The following ADAMTS19 variants were observed in gnomAD, a reference collection of about 807,000 sequenced individuals.
ADAMTS19 encodes ADAM metallopeptidase with thrombospondin type 1 motif 19, also known as A disintegrin and metalloproteinase with thrombospondin motifs 19.
In ADAMTS19, 93 loss-of-function variants were observed where a neutral mutation model predicts 153.3. The observed-to-expected ratio is 0.61, with a 90% CI of 0.51 to 0.72. ADAMTS19 has a LOEUF of 0.72. Ranked by LOEUF, ADAMTS19 falls within the 30% of genes least tolerant of loss-of-function variation. The probability of loss-of-function intolerance (pLI) is 0.00; values close to 1 mark genes in which losing one functional copy is unlikely to be tolerated. For synonymous variants in ADAMTS19, 600 were observed against 556.6 expected (o/e 1.08, Z -1.10); for missense variants, 1,482 against 1,552.1 (o/e 0.95, Z 0.76).
In ADAMTS19 at chr5:129,641,848, T is replaced by A. The variant is rs1051861643; in HGVS notation, c.1771-11T>A. 3 of 1,560,344 alleles carry A rather than the reference T, an allele frequency of 1.9e-6. No homozygotes were observed. In the African/African-American group the frequency reaches 4.1e-5, roughly 21 times the overall value. ...CCTTCCCCTTATTAGTTATTGTGCC[T>A]TTGTTTTCAGCATGTTATTTGCACA... is the stretch of plus-strand genomic sequence containing the variant. On this transcript the variant is annotated splice_polypyrimidine_tract_variant and intron_variant, in intron 10 of 22. Transcript: ENST00000274487.
At chr5:129,668,569 C>T (rs1303782754) in intron 16 of ADAMTS19, among the ~76,000 whole-genome samples, 1 of 152,084 alleles carries the variant, frequency 6.6e-6, no homozygotes, top group African/African-American at 2.4e-5. Flanking sequence ...AAGGGCAGCG[C>T]TCTTATGACC....
intron 8 of ADAMTS19, among the ~76,000 whole-genome samples, chr5:129,612,177 T>A (rs1355744958): frequency 7.2e-6 from 1 of 139,748 alleles, no homozygotes; most frequent in Non-Finnish European, 1.5e-5. Flanking sequence ...CCTGTGTCCA[T>A]GTGTTCTCAT....
At chr5:129,733,644 G>T (rs560636509) in intron 21 of ADAMTS19, among the ~76,000 whole-genome samples, 2 of 151,980 alleles carry the variant, frequency 1.3e-5, no homozygotes, top group South Asian at 4.1e-4. Flanking sequence ...CTATCAAAAA[G>T]ACAAAAAACA....
intron 3 of ADAMTS19, among the ~76,000 whole-genome samples, chr5:129,524,736 A>G (rs951715158): frequency 2.0e-5 from 3 of 151,826 alleles, no homozygotes; most frequent in African/African-American, 7.3e-5. Context: ...CACGTTCTGC[A>G]CATGTATCCC....
In ADAMTS19 at chr5:129,658,347, A is replaced by AAGAGAGAGAGAGAGAGAGAGAGAGAGAG. The variant is rs1294171239; in HGVS notation, c.2305-267_2305-266insGAGAGAGAGAGAGAGAGAGAGAGAGAGA. Among the ~76,000 whole-genome samples the AAGAGAGAGAGAGAGAGAGAGAGAGAGAG allele has an allele frequency of 2.1e-4, 24 of 116,062 alleles. No homozygotes were observed. In the East Asian group the frequency reaches 3.0e-3, roughly 14 times the overall value. 76.1% of individuals were successfully genotyped at this position (116,062 alleles called of 152,430 possible). ...AAAGAAAGAAAGAAAGAAAGAAAGA[A>AAGAGAGAGAGAGAGAGAGAGAGAGAGAG]AGAAAGAAAGAAAGAAAGAAAGAGA... On this transcript the variant is annotated intron_variant, in intron 14 of 22. Transcript: ENST00000274487.
At chr5:129,552,301 G>A (rs529859552) in intron 7 of ADAMTS19, among the ~76,000 whole-genome samples, 2 of 148,950 alleles carry the variant, frequency 1.3e-5, no homozygotes, top group East Asian at 3.9e-4. Context: ...TTCGCAGACT[G>A]TGTCGAAATA....
Position 129,501,255 on chromosome 5 carries a change from T to G in ADAMTS19, c.748-7822T>G, listed in dbSNP as rs1483200918. Among the ~76,000 whole-genome samples, 14 of 152,250 alleles carry G rather than the reference T, an allele frequency of 9.2e-5. No individual in the cohort carries two copies. In the East Asian group the frequency reaches 1.5e-3, roughly 17 times the overall value. On this transcript the variant is annotated intron_variant, in intron 2 of 22. Transcript: ENST00000274487. ...AAACCTTGAAATATTCTACCAAGTC[T>G]GCCATGGGAGAATTGTTGGGGCATC...
At chr5:129,648,226 G>A (rs1288631191) in intron 12 of ADAMTS19, among the ~76,000 whole-genome samples, 2 of 152,134 alleles carry the variant, frequency 1.3e-5, no homozygotes, top group Non-Finnish European at 2.9e-5. Context: ...TGATAAGAAA[G>A]AGAATGAGAA....
chr5:129,622,963 G>T (rs532282322), intron 10 of ADAMTS19, among the ~76,000 whole-genome samples: 5 of 152,024 alleles, frequency 3.3e-5, no homozygotes, highest in Admixed American at 2.0e-4. Context: ...AACTACAAAC[G>T]GGGAGGGCCA....
intron 8 of ADAMTS19, 143 bp downstream of exon 8, chr5:129,596,807 A>T (rs899332931): frequency 5.4e-6 from 3 of 553,680 alleles, no homozygotes; most frequent in Admixed American, 3.5e-5. Flanking sequence ...GTGAAGACTG[A>T]CTACATTTAA....
chr5:129,691,641 T>A (rs954458252), intron 18 of ADAMTS19, among the ~76,000 whole-genome samples: 20 of 152,196 alleles, frequency 1.3e-4, no homozygotes, highest in Admixed American at 1.3e-3. Flanking sequence ...TTTTGTTCAA[T>A]GAAATTTTTA....
chr5:129,670,074 C>G (rs566864193), intron 16 of ADAMTS19, among the ~76,000 whole-genome samples: 138 of 152,176 alleles, frequency 9.1e-4, no homozygotes, highest in Middle Eastern at 3.4e-3. Context: ...CTTTACTGCT[C>G]TAATGTGACG....
At chr5:129,467,784 GT>G (rs1161790431) in intron 2 of ADAMTS19, among the ~76,000 whole-genome samples, 1 of 152,184 alleles carries the variant, frequency 6.6e-6, no homozygotes, top group African/African-American at 2.4e-5. Flanking sequence ...CTCCAAAAAG[GT>G]ATGCAATGAA....
intron 2 of ADAMTS19, among the ~76,000 whole-genome samples, chr5:129,462,613 G>GT: frequency 6.8e-6 from 1 of 146,306 alleles, no homozygotes; most frequent in Admixed American, 6.7e-5. Context: ...GTGTGTGTGT[G>GT]TGTGGGGGGG....
intron 15 of ADAMTS19, among the ~76,000 whole-genome samples, chr5:129,662,199 T>C (rs1753843748): frequency 6.6e-6 from 1 of 152,246 alleles, no homozygotes; most frequent in South Asian, 2.1e-4. Flanking sequence ...GCCATGAAGA[T>C]GAAGATTGCT....
At chr5:129,471,486 A>AAAGCAG (rs1402553527) in intron 2 of ADAMTS19, among the ~76,000 whole-genome samples, 1 of 134,026 alleles carries the variant, frequency 7.5e-6, no homozygotes, top group East Asian at 2.2e-4. Context: ...AAGGAAGGAA[A>AAAGCAG]GCAGGCAGGC....
chr5:129,671,557 T>C (rs1232896995), intron 16 of ADAMTS19, among the ~76,000 whole-genome samples: 2 of 152,200 alleles, frequency 1.3e-5, no homozygotes, highest in African/African-American at 4.8e-5. Context: ...AAATAGAACC[T>C]TGGCAAACTG....
chr5:129,478,448 A>G (rs1019511388), intron 2 of ADAMTS19, among the ~76,000 whole-genome samples: 3 of 152,222 alleles, frequency 2.0e-5, no homozygotes, highest in African/African-American at 7.2e-5. Flanking sequence ...GGTGGATTTT[A>G]AATAGCAAGG....
intron 6 of ADAMTS19, among the ~76,000 whole-genome samples, chr5:129,548,598 C>G (rs1327149568): frequency 6.6e-6 from 1 of 151,422 alleles, no homozygotes; most frequent in Non-Finnish European, 1.5e-5. Context: ...CTAGTTCAAA[C>G]ATTGTGGAAG....
Sources: gnomAD v4.1 joint callset for allele counts (sites outside exome capture counted in the v4.1 genomes callset) on GRCh38, gnomAD v4.1.1 for gene constraint, MANE v1.5 for transcripts, NCBI Gene and HGNC (gene_info 2026-07-23, HGNC 2026-07-21) for gene names.